Variants in ZNF605 observed in about 807,000 individuals in gnomAD.
ZNF605 encodes zinc finger protein 605.
In ZNF605, 9 loss-of-function variants were observed where a neutral mutation model predicts 7.9. That is an observed-to-expected ratio of 1.14 (90% CI 0.68 to 1.98). The LOEUF (loss-of-function observed/expected upper bound fraction) is 1.98. ZNF605 is among the 30% of genes most tolerant of loss of function. ZNF605 has a pLI of 0.00. For missense variants in ZNF605, 673 were observed against 762.4 expected, an observed-to-expected ratio of 0.88 and a Z score of 1.38; for synonymous variants, 255 against 260.1, an observed-to-expected ratio of 0.98 and a Z score of 0.19.
At chr12:132,937,898 G>A (rs916152056) in intron 3 of ZNF605, among the ~76,000 whole-genome samples, 14 of 152,238 alleles carry the variant, frequency 9.2e-5, no homozygotes, top group Non-Finnish European at 1.9e-4. Flanking sequence ...AGAAACTACC[G>A]ATAAGATATG....
In ZNF605 at chr12:132,933,278, C is replaced by G; in HGVS notation, c.16-123G>C. 1 of 1,075,690 alleles carries G rather than the reference C, an allele frequency of 9.3e-7. No homozygotes were observed. The highest frequency in any genetic ancestry group is 1.9e-5 in the South Asian group (1 of 53,444). 66.6% of individuals were successfully genotyped at this position (1,075,690 alleles called of 1,614,324 possible). The stretch of plus-strand genomic sequence containing the variant: ...CCCAGTGACCTCTGACTCCGGTATT[C>G]ATGCTTTTGCATAATCCTCCCCTCT... On this transcript the variant is annotated intron_variant, in intron 3 of 4. Coordinates refer to ENST00000360187, the MANE Select transcript of ZNF605 (RefSeq NM_183238.4). This position sits in a 1 kb window ranked among gnomAD's most constrained non-coding sequence, Gnocchi z 4.4.
intron 1 of ZNF605, among the ~76,000 whole-genome samples, chr12:132,956,017 C>T (rs1238063010): frequency 1.3e-5 from 2 of 150,178 alleles, no homozygotes; most frequent in Non-Finnish European, 3.0e-5. Context: ...CACCCTCTGC[C>T]TCCCACCCCC....
intron 1 of ZNF605, among the ~76,000 whole-genome samples, chr12:132,951,107 C>T (rs1024086085): frequency 1.9e-4 from 29 of 151,748 alleles, no homozygotes; most frequent in African/African-American, 6.1e-4. Flanking sequence ...TACTCACAGA[C>T]GTACAGACAC....
At chr12:132,932,731 G>T in intron 4 of ZNF605, 1 of 1,534,736 alleles carries the variant, frequency 6.5e-7, no homozygotes, top group South Asian at 1.2e-5. Context: ...TTCTGATTTA[G>T]GATTTCTTGA....
chr12:132,950,256 T>A (rs895545181), intron 1 of ZNF605, among the ~76,000 whole-genome samples: 18 of 152,240 alleles, frequency 1.2e-4, no homozygotes, highest in Non-Finnish European at 2.1e-4. Context: ...CTTGTCGTCC[T>A]GAGTCCAAAA....
At position 132,945,725 on chromosome 12, in the gene ZNF605, A is replaced by T. The variant is rs1952488338; in HGVS notation, c.-90T>A. On this transcript the variant is annotated 5_prime_UTR_variant, in exon 3 of 5. Coordinates refer to ENST00000360187, the MANE Select transcript of ZNF605 (RefSeq NM_183238.4). ...CCTCTGGTCAGTGGTCTGTAAACTG[A>T]GAATACATCCTTGGTCTTGTGGGCT... The T allele has an allele frequency of 1.9e-6, 3 of 1,576,396 alleles. No homozygotes were observed. Among genetic ancestry groups the T allele is most frequent in the Non-Finnish European group, 1.7e-6 (2 of 1,145,814 alleles).
In ZNF605 at chr12:132,925,227, TCTGCTTAGTGACTCTTGA is replaced by T. The variant is rs1283158583; in HGVS notation, c.*128_*145del. On this transcript the variant is annotated 3_prime_UTR_variant, in exon 5 of 5. Transcript: ENST00000360187. ...TTTTTAAAAACTTCTCTTTCTAAATTCTGCTTAGTGACTCTTGACTCCTCAATTCAAGCTTTTTCAACA... is the reference window on the plus strand; with the variant it reads ...TTTTTAAAAACTTCTCTTTCTAAATTCTCCTCAATTCAAGCTTTTTCAACA... The T allele has an allele frequency of 3.5e-6, 2 of 570,802 alleles. No homozygotes were observed. Among genetic ancestry groups the T allele is most frequent in the East Asian group, 3.0e-5 (1 of 33,572 alleles). The allele number at this position is 570,802 out of a possible 1,614,324, so 35.4% of individuals were successfully genotyped here.
At chr12:132,943,251 C>T (rs948850084) in intron 3 of ZNF605, among the ~76,000 whole-genome samples, 8 of 151,448 alleles carry the variant, frequency 5.3e-5, no homozygotes, top group Admixed American at 6.6e-5. Context: ...CCCAGCTACT[C>T]GGGAGGCTGA....
intron 3 of ZNF605, among the ~76,000 whole-genome samples, chr12:132,937,516 GACACAC>G (rs151320663): frequency 2.0e-5 from 3 of 148,430 alleles, no homozygotes; most frequent in South Asian, 2.1e-4. Flanking sequence ...CACACACACA[GACACAC>G]ACACACACAC....
intron 2 of ZNF605, among the ~76,000 whole-genome samples, chr12:132,946,901 G>A (rs949701912): frequency 3.9e-5 from 6 of 152,354 alleles, no homozygotes; most frequent in African/African-American, 9.6e-5. Flanking sequence ...CTGACACCCC[G>A]AGGGGAATGT....
chr12:132,945,223 C>T (rs1952484102), intron 3 of ZNF605: 3 of 615,864 alleles, frequency 4.9e-6, no homozygotes, highest in Non-Finnish European at 5.7e-6. Context: ...CTCGGCCTCC[C>T]AAAGGGCTGG....
rs1952200842 is a variant in ZNF605, at chr12:132,921,029, G to A, written c.*4344C>T. On this transcript the variant is annotated 3_prime_UTR_variant, in exon 5 of 5. Transcript: ENST00000360187. ...TTTAGTAGAGACGGGGTTTCACCAT[G>A]TTATTCAGGCTGGTCGCGAACTCCT... 6.6e-6 allele frequency: 1 copy of A among 152,190 alleles called. No individual in the cohort carries two copies. Among genetic ancestry groups the A allele is most frequent in the Admixed American group, 6.5e-5 (1 of 15,274 alleles). The allele number at this position is 152,190 out of a possible 1,614,324, so 9.4% of individuals were successfully genotyped here.
chr12:132,927,180 T>C lies in ZNF605; in HGVS notation c.137-18A>G, dbSNP rs376743657. On this transcript the variant is annotated intron_variant, in intron 4 of 4. Coordinates refer to ENST00000360187, the MANE Select transcript of ZNF605 (RefSeq NM_183238.4). ...CCAGACTTCTAAAAAGAGAAAAAAA[T>C]GAACCATACTGTGTAATTCCTTCAA... is the stretch of plus-strand genomic sequence containing the variant. 1 of 1,505,566 alleles carries C rather than the reference T, an allele frequency of 6.6e-7. No individual in the cohort carries two copies. The highest frequency in any genetic ancestry group is 8.9e-7 in the Non-Finnish European group (1 of 1,129,862). The allele number at this position is 1,505,566 out of a possible 1,614,324, so 93.3% of individuals were successfully genotyped here.
intron 3 of ZNF605, among the ~76,000 whole-genome samples, chr12:132,943,938 G>A (rs1952472485): frequency 6.6e-6 from 1 of 152,162 alleles, no homozygotes; most frequent in Admixed American, 6.5e-5. Flanking sequence ...GATTAATAAT[G>A]TTTACTAAAC....
At chr12:132,927,802 G>T (rs1321568831) in intron 4 of ZNF605, among the ~76,000 whole-genome samples, 1 of 151,744 alleles carries the variant, frequency 6.6e-6, no homozygotes, top group African/African-American at 2.4e-5. Flanking sequence ...GACTACAGGT[G>T]TGCGCCATCA....
rs1218274966 is a variant in ZNF605, at chr12:132,920,785, C to T, written c.*4588G>A. 1 of 152,152 alleles carries T rather than the reference C, an allele frequency of 6.6e-6. No homozygotes were observed. The highest frequency in any genetic ancestry group is 1.5e-5 in the Non-Finnish European group (1 of 68,032). The allele number at this position is 152,152 out of a possible 1,614,324, so 9.4% of individuals were successfully genotyped here. On this transcript the variant is annotated 3_prime_UTR_variant, in exon 5 of 5. Coordinates refer to ENST00000360187, the MANE Select transcript of ZNF605 (RefSeq NM_183238.4). ...TCCTGGGCTCAAGTGACCCTTCTGC[C>T]TCAGCTTCCCAAGTAGCTGGGATTA...
chr12:132,937,097 G>A (rs1041622676), intron 3 of ZNF605, among the ~76,000 whole-genome samples: 6 of 152,234 alleles, frequency 3.9e-5, no homozygotes, highest in East Asian at 1.9e-4. Context: ...GGTGGCTCAC[G>A]CCTGTAATCC....
At chr12:132,953,558 G>C (rs1028077414) in intron 1 of ZNF605, among the ~76,000 whole-genome samples, 16 of 152,084 alleles carry the variant, frequency 1.1e-4, no homozygotes, top group African/African-American at 2.4e-4. Context: ...TCCTGAGTAG[G>C]TGGGATTACA....
rs1952248048 is a variant in ZNF605 at position 132,926,391 on chromosome 12, T to C, written c.908A>G (p.His303Arg). The C allele has an allele frequency of 3.1e-6, 5 of 1,614,096 alleles. No homozygotes were observed. The South Asian group carries it at 4.4e-5, about 14-fold the overall frequency. Residue 303 changes from histidine to arginine, a missense_variant, in exon 5 of 5, where the codon CAC (histidine) becomes CGC (arginine). Coordinates refer to ENST00000360187, the MANE Select transcript of ZNF605 (RefSeq NM_183238.4). ...KLKLITHQRA[H>R]TGEKPYPCSH... Reference sequence around the variant, plus strand: ...ACATGGATAGGGTTTCTCTCCTGTGTGCGCTCTCTGATGTGTGATGAGTTT... The same window carrying C: ...ACATGGATAGGGTTTCTCTCCTGTGCGCGCTCTCTGATGTGTGATGAGTTT...
Sources: allele counts gnomAD v4.1 joint callset (sites outside exome capture counted in the v4.1 genomes callset), GRCh38; gene constraint gnomAD v4.1.1; non-coding constraint Gnocchi (gnomAD v3.1); transcripts MANE v1.5; gene names NCBI Gene and HGNC (gene_info 2026-07-23, HGNC 2026-07-21).